Variants in NR3C1 observed in about 807,000 individuals in gnomAD.
The protein encoded by NR3C1 is nuclear receptor subfamily 3 group C member 1.
In NR3C1, 14 loss-of-function variants were observed where a neutral mutation model predicts 74.0. That is an observed-to-expected ratio of 0.19 (90% CI 0.12 to 0.30). NR3C1 has a LOEUF of 0.30. NR3C1 is among the 10% of genes least tolerant of loss of function. The pLI is 1.00. For synonymous variants in NR3C1, 308 were observed against 332.5 expected (o/e 0.93, Z 0.80); for missense variants, 695 against 909.8 (o/e 0.76, Z 3.04).
intron 2 of NR3C1, among the ~76,000 whole-genome samples, chr5:143,361,592 T>C (rs1832247155): frequency 6.6e-6 from 1 of 152,212 alleles, no homozygotes; most frequent in African/African-American, 2.4e-5. Flanking sequence ...AGGAAAACAC[T>C]AATAAACAAT....
Position 143,411,436 on chromosome 5 carries a change from G to C in NR3C1, c.-13-10584C>G, listed in dbSNP as rs76790903. Among the ~76,000 whole-genome samples, 621 of 152,262 alleles carry C rather than the reference G, an allele frequency of 4.1e-3. 2 individuals carry two copies. Among genetic ancestry groups the C allele is most frequent in the African/African-American group, 0.014 (595 of 41,566 alleles). ...TTTAGTTCCAACATCCATTTTTGTT[G>C]CTTCACTTTTATCTCGCTCATTAAT... On this transcript the variant is annotated intron_variant, in intron 1 of 8. Coordinates refer to the NR3C1 transcript ENST00000343796.
chr5:143,394,883 T>C (rs1006808005), intron 2 of NR3C1, among the ~76,000 whole-genome samples: 4 of 151,914 alleles, frequency 2.6e-5, no homozygotes, highest in Admixed American at 2.6e-4. Context: ...CCTAAACTTA[T>C]CTATAGCATC....
At chr5:143,299,491 G>A (rs1381361288) in intron 5 of NR3C1, among the ~76,000 whole-genome samples, 5 of 152,238 alleles carry the variant, frequency 3.3e-5, no homozygotes, top group East Asian at 3.9e-4. Flanking sequence ...AATGGTTGAC[G>A]GGTGCAAAAA....
intron 7 of NR3C1, among the ~76,000 whole-genome samples, chr5:143,291,757 T>C (rs1816006055): frequency 6.6e-6 from 1 of 152,234 alleles, no homozygotes; most frequent in African/African-American, 2.4e-5. Context: ...CTCAGTCTAC[T>C]GATGAGCCCA....
In NR3C1 at chr5:143,403,242, T is replaced by G; in HGVS notation, c.-45A>C. Reference sequence around the variant, plus strand: ...CAGAGGAGCCGCTCGCCCGCCACCGTCCGCAGTTCCCGCCGCAGCCGAGAT... The same window carrying G: ...CAGAGGAGCCGCTCGCCCGCCACCGGCCGCAGTTCCCGCCGCAGCCGAGAT... On this transcript the variant is annotated 5_prime_UTR_variant, in exon 1 of 9. Coordinates refer to ENST00000394464, the MANE Select transcript of NR3C1 (RefSeq NM_000176.3). 2 of 985,226 alleles carry G rather than the reference T, an allele frequency of 2.0e-6. No homozygotes were observed. Among genetic ancestry groups the G allele is most frequent in the Non-Finnish European group, 1.2e-6 (1 of 829,978 alleles). The allele number at this position is 985,226 out of a possible 1,614,324, so 61.0% of individuals were successfully genotyped here. A position where few individuals can be genotyped will look rare whatever the true frequency, so the allele number is the denominator to read the frequency against.
intron 1 of NR3C1, among the ~76,000 whole-genome samples, chr5:143,412,880 A>G (rs748670972): frequency 2.0e-5 from 3 of 152,202 alleles, no homozygotes; most frequent in Non-Finnish European, 4.4e-5. Context: ...CAGTTTGGAT[A>G]TGTTGTTTAC....
intron 2 of NR3C1, among the ~76,000 whole-genome samples, chr5:143,348,334 A>T (rs954518203): frequency 5.3e-5 from 8 of 152,220 alleles, no homozygotes; most frequent in Non-Finnish European, 1.2e-4. Flanking sequence ...TGATCAGACT[A>T]ACATAGTTGA....
At chr5:143,354,692 G>C (rs1263135714) in intron 2 of NR3C1, among the ~76,000 whole-genome samples, 1 of 152,086 alleles carries the variant, frequency 6.6e-6, no homozygotes, top group African/African-American at 2.4e-5. Flanking sequence ...GGAGGCCAAG[G>C]TGAGCGGATC....
chr5:143,389,128 T>C (rs935548832), intron 2 of NR3C1, among the ~76,000 whole-genome samples: 3 of 152,174 alleles, frequency 2.0e-5, no homozygotes, highest in African/African-American at 7.2e-5. Context: ...GAGTTTGAGA[T>C]CTTTCAAGCT....
At chr5:143,421,798 A>C (rs1311076926) in intron 1 of NR3C1, among the ~76,000 whole-genome samples, 1 of 152,038 alleles carries the variant, frequency 6.6e-6, no homozygotes, top group African/African-American at 2.4e-5. Flanking sequence ...TCTCAAAAAA[A>C]AAAGGACATA....
intron 2 of NR3C1, among the ~76,000 whole-genome samples, chr5:143,382,364 T>C (rs1056243881): frequency 2.0e-5 from 3 of 152,214 alleles, no homozygotes; most frequent in African/African-American, 7.2e-5. Flanking sequence ...AAGATCATAA[T>C]GAAGCCAGTT....
intron 1 of NR3C1, among the ~76,000 whole-genome samples, chr5:143,420,454 A>G (rs1449290228): frequency 6.6e-6 from 1 of 152,202 alleles, no homozygotes; most frequent in East Asian, 1.9e-4. Flanking sequence ...TTCTTCTGCC[A>G]TGGCTTCAGC....
At chr5:143,434,211 C>T (rs1453468372) in intron 1 of NR3C1, among the ~76,000 whole-genome samples, 1 of 152,162 alleles carries the variant, frequency 6.6e-6, no homozygotes, top group African/African-American at 2.4e-5. Context: ...TATTTTAAAA[C>T]GCGTTGTCTC....
chr5:143,417,872 TA>T (rs973666479), intron 1 of NR3C1, among the ~76,000 whole-genome samples: 1 of 152,224 alleles, frequency 6.6e-6, no homozygotes, highest in African/African-American at 2.4e-5. Context: ...TATAATTCTA[TA>T]AACCACACAA....
rs188462691 is a variant in NR3C1 at position 143,334,107 on chromosome 5, C to T, written c.1185-19939G>A. Among the ~76,000 whole-genome samples the T allele has an allele frequency of 2.4e-3, 365 of 152,210 alleles. 2 individuals are homozygous for T. The highest frequency in any genetic ancestry group is 8.5e-3 in the African/African-American group (353 of 41,524). On this transcript the variant is annotated intron_variant, in intron 2 of 8. Transcript: ENST00000394464. The stretch of plus-strand genomic sequence containing the variant: ...AAAGAAAAGACAGTAGCTGGCCGGT[C>T]GTGGTGGCTCATGCCTGTAATCCCA...
intron 7 of NR3C1, among the ~76,000 whole-genome samples, chr5:143,293,558 CAACTTACTA>C (rs911896673): frequency 6.6e-6 from 1 of 152,132 alleles, no homozygotes; most frequent in African/African-American, 2.4e-5. Flanking sequence ...AAAAAAACCC[CAACTTACTA>C]AACTTACTAA....
chr5:143,386,011 T>A (rs189410648), intron 2 of NR3C1, among the ~76,000 whole-genome samples: 48 of 152,338 alleles, frequency 3.2e-4, no homozygotes, highest in African/African-American at 1.1e-3. Context: ...TGACTCATAG[T>A]TCCACAGGCT....
intron 1 of NR3C1, among the ~76,000 whole-genome samples, chr5:143,431,430 AG>A (rs1346302122): frequency 6.6e-6 from 1 of 151,136 alleles, no homozygotes; most frequent in Non-Finnish European, 1.5e-5. Context: ...CTCACTCATA[AG>A]TGGGAGTTGA....
upstream of NR3C1, chr5:143,404,600 T>G: frequency 2.6e-6 from 1 of 387,292 alleles, no homozygotes; most frequent in Non-Finnish European, 3.1e-6. Flanking sequence ...CCCCCACCCC[T>G]CCCGCCCAAT....
Sources: gnomAD v4.1 joint callset for allele counts (sites outside exome capture counted in the v4.1 genomes callset) on GRCh38, gnomAD v4.1.1 for gene constraint, MANE v1.5 for transcripts, NCBI Gene and HGNC (gene_info 2026-07-23, HGNC 2026-07-21) for gene names.